LUZP2: variants seen among roughly 807,000 people sequenced by gnomAD.
LUZP2 encodes leucine zipper protein 2.
Under a neutral mutation model 51.6 loss-of-function variants are expected in LUZP2, and 52 were observed. That is an observed-to-expected ratio of 1.01 (90% CI 0.81 to 1.27). LUZP2 has a LOEUF of 1.27. Ranked by LOEUF, LUZP2 falls within the 50% of genes most tolerant of loss-of-function variation. The pLI, the probability that LUZP2 is intolerant of heterozygous loss-of-function variation, is 0.00. For missense variants in LUZP2, 436 were observed against 395.4 expected (o/e 1.10, Z -0.87); for synonymous variants, 154 against 137.3 (o/e 1.12, Z -0.85).
chr11:24,812,175 G>T (rs1002816143), intron 5 of LUZP2, among the ~76,000 whole-genome samples: 12 of 150,572 alleles, frequency 8.0e-5, no homozygotes, highest in African/African-American at 2.9e-4. Context: ...TTTATGTTAT[G>T]AGGATGCATT....
At chr11:24,891,386 A>C in intron 5 of LUZP2, 1 of 954,376 alleles carries the variant, frequency 1.0e-6, no homozygotes, top group Non-Finnish European at 1.2e-6. Context: ...ACACTATGTT[A>C]CATACACCCA....
intron 7 of LUZP2, among the ~76,000 whole-genome samples, chr11:24,968,186 A>T (rs1749107749): frequency 6.6e-6 from 1 of 151,808 alleles, no homozygotes; most frequent in Admixed American, 6.6e-5. Context: ...AGATTTTTTT[A>T]AGGTAGGTTT....
intron 1 of LUZP2, among the ~76,000 whole-genome samples, chr11:24,589,616 A>G (rs538749664): frequency 1.3e-5 from 2 of 152,324 alleles, no homozygotes; most frequent in Admixed American, 1.3e-4. Context: ...ACTTACTCTC[A>G]AACTGGTGCT....
intron 8 of LUZP2, among the ~76,000 whole-genome samples, chr11:24,979,691 T>C (rs1296655008): frequency 2.0e-5 from 3 of 151,808 alleles, no homozygotes; most frequent in Non-Finnish European, 4.4e-5. Context: ...ATGAATTATA[T>C]ATAGTTGGCC....
intron 5 of LUZP2, among the ~76,000 whole-genome samples, chr11:24,796,779 GT>G (rs560118466): frequency 3.3e-5 from 5 of 151,884 alleles, no homozygotes; most frequent in Non-Finnish European, 5.9e-5. Flanking sequence ...TACTACACAA[GT>G]TTTTTTTGGT....
chr11:25,023,127 C>A (rs555242743), intron 9 of LUZP2, among the ~76,000 whole-genome samples: 1 of 152,116 alleles, frequency 6.6e-6, no homozygotes, highest in South Asian at 2.1e-4. Flanking sequence ...TGTTGTGTCT[C>A]TGCCAGGCTT....
intron 1 of LUZP2, among the ~76,000 whole-genome samples, chr11:24,532,592 G>A (rs10767206): frequency 0.21 from 31,745 of 150,680 alleles, 4,082 homozygotes; most frequent in African/African-American, 0.36. Flanking sequence ...TTCTATTGCT[G>A]TACTTAATGT....
intron 1 of LUZP2, among the ~76,000 whole-genome samples, chr11:24,513,080 T>A (rs527499066): frequency 2.0e-5 from 3 of 152,290 alleles, no homozygotes; most frequent in Admixed American, 2.0e-4. Flanking sequence ...CTATATGACA[T>A]AGTTTTCCTT....
intron 1 of LUZP2, among the ~76,000 whole-genome samples, chr11:24,607,485 C>A (rs1853967941): frequency 1.3e-5 from 2 of 150,106 alleles, no homozygotes; most frequent in African/African-American, 2.4e-5. Flanking sequence ...TTACTCTGGA[C>A]TTTTTTTTAT....
intron 9 of LUZP2, among the ~76,000 whole-genome samples, chr11:25,030,937 ATT>A (rs1565254633): frequency 1.7e-3 from 2 of 1,202 alleles, no homozygotes; most frequent in Non-Finnish European, 2.5e-3. Context: ...TATAATATAT[ATT>A]ATATATATTA....
chr11:24,878,626 G>A (rs3958180), intron 5 of LUZP2, among the ~76,000 whole-genome samples: 14 of 149,464 alleles, frequency 9.4e-5, no homozygotes, highest in African/African-American at 3.5e-4. Flanking sequence ...ATCCCTTTTA[G>A]TTTTTATTTT....
intron 4 of LUZP2, among the ~76,000 whole-genome samples, chr11:24,756,217 A>C (rs1859768765): frequency 6.6e-6 from 1 of 152,176 alleles, no homozygotes; most frequent in South Asian, 2.1e-4. Flanking sequence ...TGTGTACCTC[A>C]CATGTATTGA....
intron 5 of LUZP2, chr11:24,786,605 ATAT>A (rs1178556482): frequency 1.9e-5 from 4 of 213,962 alleles, no homozygotes; most frequent in African/African-American, 1.0e-4. Flanking sequence ...ATATTATATA[ATAT>A]TAATAAATTA....
At chr11:25,046,407 A>G (rs918712369) in intron 9 of LUZP2, among the ~76,000 whole-genome samples, 3 of 152,100 alleles carry the variant, frequency 2.0e-5, no homozygotes, top group African/African-American at 7.2e-5. Flanking sequence ...TGGGAAATAC[A>G]ATTTAAATTG....
chr11:24,908,178 A>G (rs1053658175), intron 6 of LUZP2, among the ~76,000 whole-genome samples: 1 of 152,334 alleles, frequency 6.6e-6, no homozygotes, highest in Non-Finnish European at 1.5e-5. Flanking sequence ...GTCAGTATTC[A>G]TAGAATAAAA....
intron 9 of LUZP2, among the ~76,000 whole-genome samples, chr11:24,996,533 C>T (rs1465333149): frequency 2.6e-5 from 4 of 151,592 alleles, no homozygotes; most frequent in Non-Finnish European, 5.9e-5. Flanking sequence ...TAAGAATTCT[C>T]ACGTTACAAT....
At chr11:24,722,775 G>A (rs922262669) in intron 1 of LUZP2, among the ~76,000 whole-genome samples, 2 of 151,866 alleles carry the variant, frequency 1.3e-5, no homozygotes, top group Non-Finnish European at 2.9e-5. Flanking sequence ...AAATTAGCTG[G>A]GCGTGGGGGT....
At chr11:24,740,271 ACTGT>A (rs1312455711) in intron 4 of LUZP2, among the ~76,000 whole-genome samples, 2 of 152,166 alleles carry the variant, frequency 1.3e-5, no homozygotes, top group African/African-American at 4.8e-5. Flanking sequence ...GATTATGCAA[ACTGT>A]CTGAGATCCG....
intron 9 of LUZP2, among the ~76,000 whole-genome samples, chr11:25,023,637 G>A (rs1857404715): frequency 1.3e-5 from 2 of 151,950 alleles, no homozygotes; most frequent in African/African-American, 4.8e-5. Flanking sequence ...ATCTCCTTGA[G>A]TTCTGCTCTG....
Sources: gnomAD v4.1 joint callset for allele counts (sites outside exome capture counted in the v4.1 genomes callset) on GRCh38, gnomAD v4.1.1 for gene constraint, MANE v1.5 for transcripts, NCBI Gene and HGNC (gene_info 2026-07-23, HGNC 2026-07-21) for gene names.